Variants in GRID1 observed in about 807,000 individuals in gnomAD.
The protein encoded by GRID1 is glutamate ionotropic receptor delta type subunit 1, also known as glutamate receptor ionotropic, delta-1.
Under a neutral mutation model 98.0 loss-of-function variants are expected in GRID1, and 28 were observed. The ratio of observed to expected loss-of-function variants is 0.29; its 90% confidence interval spans 0.21 to 0.39. GRID1 has a LOEUF of 0.39. Among genes scored for constraint, GRID1 ranks in the 10% least tolerant of loss-of-function variants. GRID1 has a pLI of 1.00. For synonymous variants in GRID1, 553 were observed against 538.5 expected (o/e 1.03, Z -0.37); for missense variants, 1,111 against 1,340.5 (o/e 0.83, Z 2.67).
At chr10:85,938,370 A>G (rs961848965) in intron 4 of GRID1, among the ~76,000 whole-genome samples, 1 of 152,222 alleles carries the variant, frequency 6.6e-6, no homozygotes, top group African/African-American at 2.4e-5. Context: ...CTGACTTTCA[A>G]TACAACGTTC....
intron 2 of GRID1, among the ~76,000 whole-genome samples, chr10:86,288,431 T>G (rs1194016556): frequency 6.6e-6 from 1 of 152,218 alleles, no homozygotes; most frequent in East Asian, 1.9e-4. Flanking sequence ...TTCAGCTTAA[T>G]ATGCCTACAA....
At chr10:86,126,962 C>T (rs552318354) in intron 4 of GRID1, among the ~76,000 whole-genome samples, 105 of 152,338 alleles carry the variant, frequency 6.9e-4, no homozygotes, top group Non-Finnish European at 1.1e-3. Context: ...CTGGCTGTCA[C>T]GCCAAAGGGT....
intron 8 of GRID1, among the ~76,000 whole-genome samples, chr10:85,779,506 G>A (rs958507854): frequency 6.6e-6 from 1 of 152,084 alleles, no homozygotes; most frequent in Admixed American, 6.5e-5. Context: ...CAGAAGGACA[G>A]ACACCCAGGT....
At chr10:85,660,639 C>T (rs375472431) in intron 12 of GRID1, among the ~76,000 whole-genome samples, 5 of 151,828 alleles carry the variant, frequency 3.3e-5, no homozygotes, top group African/African-American at 1.2e-4. Flanking sequence ...GTATGCCAGG[C>T]TGTTCTGGCT....
chr10:86,110,162 C>G (rs1343144481), intron 4 of GRID1, among the ~76,000 whole-genome samples: 3 of 152,060 alleles, frequency 2.0e-5, no homozygotes, highest in African/African-American at 7.2e-5. Context: ...TTAGTAGAGA[C>G]AGGGTTTCAC....
chr10:86,261,994 G>C (rs1379562986), intron 2 of GRID1, among the ~76,000 whole-genome samples: 2 of 152,258 alleles, frequency 1.3e-5, no homozygotes, highest in Non-Finnish European at 2.9e-5. Flanking sequence ...CAAAGTGAAA[G>C]CATTATTCTG....
intron 4 of GRID1, among the ~76,000 whole-genome samples, chr10:86,012,571 T>C (rs982482928): frequency 7.2e-5 from 11 of 152,208 alleles, no homozygotes; most frequent in African/African-American, 2.7e-4. Context: ...CTATTTGCTG[T>C]GGGCTGAGTG....
chr10:86,358,407 A>C (rs561168710), intron 2 of GRID1, among the ~76,000 whole-genome samples: 1 of 152,258 alleles, frequency 6.6e-6, no homozygotes, highest in South Asian at 2.1e-4. Context: ...ATCTGTGAAT[A>C]TGTTAGGCTA....
chr10:85,895,662 G>T (rs1841283539), intron 5 of GRID1, among the ~76,000 whole-genome samples: 1 of 152,166 alleles, frequency 6.6e-6, no homozygotes, highest in Non-Finnish European at 1.5e-5. Context: ...ATGGTTAACA[G>T]AACCCATCTT....
intron 2 of GRID1, among the ~76,000 whole-genome samples, chr10:86,294,804 G>C (rs957190778): frequency 6.6e-6 from 1 of 152,202 alleles, no homozygotes; most frequent in Non-Finnish European, 1.5e-5. Context: ...TCAAGAAAAG[G>C]AGTACAACAG....
chr10:86,056,364 G>A (rs1391652314), intron 4 of GRID1, among the ~76,000 whole-genome samples: 1 of 152,240 alleles, frequency 6.6e-6, no homozygotes, highest in Non-Finnish European at 1.5e-5. Context: ...TCCCAAGGAA[G>A]TGCTCATTTG....
At chr10:86,000,683 C>T (rs2131874570) in intron 4 of GRID1, among the ~76,000 whole-genome samples, 1 of 152,272 alleles carries the variant, frequency 6.6e-6, no homozygotes, top group Non-Finnish European at 1.5e-5. Context: ...AGGATAGCGT[C>T]TTAACAAATA....
At chr10:86,283,089 T>G (rs1847378856) in intron 2 of GRID1, among the ~76,000 whole-genome samples, 1 of 152,190 alleles carries the variant, frequency 6.6e-6, no homozygotes, top group Non-Finnish European at 1.5e-5. Context: ...CCTATCTGCC[T>G]GTCCATGTGC....
chr10:85,907,555 C>T (rs569508854), intron 5 of GRID1, among the ~76,000 whole-genome samples: 2 of 152,310 alleles, frequency 1.3e-5, no homozygotes, highest in African/African-American at 4.8e-5. Context: ...CTAAAGAAAA[C>T]TCCATGCCCA....
intron 12 of GRID1, among the ~76,000 whole-genome samples, chr10:85,686,426 G>A (rs1367021058): frequency 6.6e-6 from 1 of 152,124 alleles, no homozygotes; most frequent in Non-Finnish European, 1.5e-5. Context: ...TTGGCATACT[G>A]GCAAAATATT....
chr10:85,767,979 A>C (rs1407751462), intron 8 of GRID1, among the ~76,000 whole-genome samples: 1 of 152,232 alleles, frequency 6.6e-6, no homozygotes, highest in African/African-American at 2.4e-5. Context: ...TGCAAACCAC[A>C]AAAGCTTGGA....
intron 12 of GRID1, among the ~76,000 whole-genome samples, chr10:85,704,883 G>A (rs966193979): frequency 1.4e-4 from 21 of 152,166 alleles, no homozygotes; most frequent in Admixed American, 9.2e-4. Flanking sequence ...GGTACATAAC[G>A]AAAGGAAGGC....
In GRID1 at chr10:85,985,413, G is replaced by C. The variant is rs74588998; in HGVS notation, c.727-69174C>G. On this transcript the variant is annotated intron_variant, in intron 4 of 15. Transcript: ENST00000327946. Reference sequence around the variant, plus strand: ...CTCGGTCTCCCCCAACTGTAAGCTAGCAGGTGACACCTGAATTTGATCGAT... The same window carrying C: ...CTCGGTCTCCCCCAACTGTAAGCTACCAGGTGACACCTGAATTTGATCGAT... 2.2e-3 allele frequency among the ~76,000 whole-genome samples: 339 copies of C among 152,342 alleles called. 1 individual carries two copies. The highest frequency in any genetic ancestry group is 7.9e-3 in the African/African-American group (328 of 41,576).
Position 86,171,041 on chromosome 10 carries a change from G to C in GRID1, c.521-32017C>G, listed in dbSNP as rs867397798. On this transcript the variant is annotated intron_variant, in intron 3 of 15. Transcript: ENST00000327946. The stretch of plus-strand genomic sequence containing the variant: ...TGAGGCAGTGGTTCTCAGACTTCAA[G>C]GCATACTAGAATCACCTGGAAAGTT... Among the ~76,000 whole-genome samples the C allele has an allele frequency of 2.0e-4, 30 of 152,096 alleles. No homozygotes were observed. In the Middle Eastern group the frequency reaches 0.014, roughly 69 times the overall value.
Sources: gnomAD v4.1 joint callset for allele counts (sites outside exome capture counted in the v4.1 genomes callset) on GRCh38, gnomAD v4.1.1 for gene constraint, MANE v1.5 for transcripts, NCBI Gene and HGNC (gene_info 2026-07-23, HGNC 2026-07-21) for gene names.